Variants in COL26A1 observed in about 807,000 individuals in gnomAD.
COL26A1 encodes collagen type XXVI alpha 1 chain.
In COL26A1, 41 loss-of-function variants were observed where a neutral mutation model predicts 59.3. The ratio of observed to expected loss-of-function variants is 0.69; its 90% CI spans 0.54 to 0.90. The LOEUF (loss-of-function observed/expected upper bound fraction) is 0.90, where lower values mean the gene tolerates loss of function less well. Among genes scored for constraint, COL26A1 ranks in the 40% least tolerant of loss-of-function variants. The pLI, the probability that COL26A1 is intolerant of heterozygous loss-of-function variation, is 0.00. For synonymous variants in COL26A1, 266 were observed against 256.0 expected, an observed-to-expected ratio of 1.04 and a Z score of -0.37; for missense variants, 612 against 602.3, an observed-to-expected ratio of 1.02 and a Z score of -0.17.
chr7:101,445,300 G>A (rs889167490), intron 2 of COL26A1, among the ~76,000 whole-genome samples: 11 of 152,020 alleles, frequency 7.2e-5, no homozygotes, highest in Admixed American at 2.0e-4. Flanking sequence ...AAGAAATACC[G>A]GAGACTGGGT....
Position 101,546,858 on chromosome 7 carries a change from C to G in COL26A1, c.857-298C>G, listed in dbSNP as rs567331112. 2.5e-3 allele frequency among the ~76,000 whole-genome samples: 340 copies of G among 134,964 alleles called. 1 individual carries two copies. The highest frequency in any genetic ancestry group is 5.0e-3 in the Non-Finnish European group (306 of 60,922). The allele number at this position is 134,964 out of a possible 152,430, so 88.5% of individuals were successfully genotyped here. A position where few individuals can be genotyped will look rare whatever the true frequency, so the allele number is the denominator to read the frequency against. ...GATGGAGCCTGGAAGAAGATGCCAG[C>G]CTGGGGCATTGGAGAAGTGAGCAGG... On this transcript the variant is annotated intron_variant, in intron 7 of 12. Coordinates refer to ENST00000313669, the MANE Select transcript of COL26A1 (RefSeq NM_001278563.3).
chr7:101,460,871 G>A (rs1427126120), intron 3 of COL26A1, among the ~76,000 whole-genome samples: 1 of 151,968 alleles, frequency 6.6e-6, no homozygotes, highest in Non-Finnish European at 1.5e-5. Context: ...CAGCTTTCTT[G>A]GAAGCACTGG....
At chr7:101,483,741 C>A (rs1182428165) in intron 3 of COL26A1, among the ~76,000 whole-genome samples, 2 of 151,076 alleles carry the variant, frequency 1.3e-5, no homozygotes, top group Non-Finnish European at 2.9e-5. Context: ...ATGGCGCGAT[C>A]TCAGCTCACT....
At chr7:101,458,492 G>T (rs1793530383) in intron 3 of COL26A1, among the ~76,000 whole-genome samples, 1 of 149,612 alleles carries the variant, frequency 6.7e-6, no homozygotes, top group Admixed American at 6.7e-5. Flanking sequence ...AAAAAAACTA[G>T]CCGGGCGTGG....
chr7:101,462,557 T>A (rs1793641145), intron 3 of COL26A1, among the ~76,000 whole-genome samples: 1 of 152,120 alleles, frequency 6.6e-6, no homozygotes, highest in Admixed American at 6.6e-5. Flanking sequence ...CTTCAGGTGA[T>A]CTGCCTGCCT....
chr7:101,540,066 G>T lies in COL26A1; in HGVS notation c.604+17G>T. On this transcript the variant is annotated intron_variant, in intron 5 of 12. Transcript: ENST00000313669. ...GCCCAGCCGGTGAGTGAGGGCTGCA[G>T]AGAGGACAGGCTGGGGCAGCCGAAG... 6.2e-7 allele frequency: 1 copy of T among 1,607,160 alleles called. No homozygotes were observed.
chr7:101,440,494 C>T (rs145887780), intron 2 of COL26A1, among the ~76,000 whole-genome samples: 1 of 152,264 alleles, frequency 6.6e-6, no homozygotes, highest in Non-Finnish European at 1.5e-5. Context: ...AAATGGGCCA[C>T]AAATGTGGAA....
At chr7:101,463,745 C>T (rs1344735178) in intron 3 of COL26A1, among the ~76,000 whole-genome samples, 2 of 76,806 alleles carry the variant, frequency 2.6e-5, no homozygotes, top group East Asian at 8.2e-4. Flanking sequence ...CCCCTCCCTT[C>T]CTTCCTCCCT....
chr7:101,460,851 T>G (rs539148881), intron 3 of COL26A1, among the ~76,000 whole-genome samples: 1 of 152,206 alleles, frequency 6.6e-6, no homozygotes, highest in Admixed American at 6.5e-5. Context: ...TGCTGTTGGC[T>G]TTTCTCAGCC....
intron 1 of COL26A1, among the ~76,000 whole-genome samples, chr7:101,407,819 A>C (rs1792162893): frequency 2.0e-5 from 3 of 152,048 alleles, no homozygotes. Flanking sequence ...AGCAGTTAGC[A>C]CCCCTTCAAA....
chr7:101,380,503 C>T (rs1284810553), intron 1 of COL26A1, among the ~76,000 whole-genome samples: 1 of 152,036 alleles, frequency 6.6e-6, no homozygotes, highest in African/African-American at 2.4e-5. Context: ...ACCATGTTGC[C>T]CAGGTTGGTC....
At chr7:101,364,917 G>T (rs1200926814) in intron 1 of COL26A1, among the ~76,000 whole-genome samples, 1 of 152,152 alleles carries the variant, frequency 6.6e-6, no homozygotes, top group Non-Finnish European at 1.5e-5. Context: ...AAAGCTAAAA[G>T]ACAGCTCCTA....
At chr7:101,476,866 T>C (rs1250621832) in intron 3 of COL26A1, among the ~76,000 whole-genome samples, 3 of 125,612 alleles carry the variant, frequency 2.4e-5, no homozygotes, top group African/African-American at 9.4e-5. Context: ...TTTTTTGAGA[T>C]GGAATCTTGC....
At chr7:101,413,769 T>C (rs1277537341) in intron 1 of COL26A1, among the ~76,000 whole-genome samples, 4 of 152,036 alleles carry the variant, frequency 2.6e-5, no homozygotes, top group Non-Finnish European at 5.9e-5. Context: ...CGGGAGTGTG[T>C]TCATTTCTTG....
chr7:101,524,911 TG>T (rs1432765198), intron 3 of COL26A1, among the ~76,000 whole-genome samples: 7 of 152,170 alleles, frequency 4.6e-5, no homozygotes, highest in Non-Finnish European at 7.3e-5. Context: ...GGGTTGGATG[TG>T]GAGGCAGAGA....
At chr7:101,521,318 C>T (rs1795137126) in intron 3 of COL26A1, among the ~76,000 whole-genome samples, 1 of 152,182 alleles carries the variant, frequency 6.6e-6, no homozygotes. Context: ...AACCATATTA[C>T]CCTATCTCAG....
chr7:101,420,201 C>A, intron 2 of COL26A1, 102 bp downstream of exon 2: 1 of 1,427,660 alleles, frequency 7.0e-7, no homozygotes, highest in Non-Finnish European at 9.7e-7. Context: ...TGCTCACAGA[C>A]AAAGGCTGAG....
intron 1 of COL26A1, among the ~76,000 whole-genome samples, chr7:101,414,755 C>CA (rs1480463038): frequency 6.6e-6 from 1 of 152,020 alleles, no homozygotes; most frequent in African/African-American, 2.4e-5. Context: ...TTTTTGGAAA[C>CA]ACACACTGAG....
At chr7:101,502,340 TCAAACAACAACAACAA>T (rs1412843519) in intron 3 of COL26A1, among the ~76,000 whole-genome samples, 5 of 152,040 alleles carry the variant, frequency 3.3e-5, no homozygotes, top group South Asian at 2.1e-4. Flanking sequence ...AGACTCAGTC[TCAAACAACAACAACAA>T]CAAACAACAA....
Sources: gnomAD v4.1 joint callset for allele counts (sites outside exome capture counted in the v4.1 genomes callset) on GRCh38, gnomAD v4.1.1 for gene constraint, MANE v1.5 for transcripts, NCBI Gene and HGNC (gene_info 2026-07-23, HGNC 2026-07-21) for gene names.